STK35: variants seen among roughly 807,000 people sequenced by gnomAD.
STK35 encodes serine/threonine kinase 35.
STK35 carries 17 observed loss-of-function variants against 37.3 expected under a neutral mutation model. The ratio of observed to expected loss-of-function variants is 0.46; its 90% confidence interval spans 0.31 to 0.68. STK35 has a LOEUF of 0.68. Ranked by LOEUF, STK35 falls within the 30% of genes least tolerant of loss-of-function variation. The pLI, the probability that STK35 is intolerant of heterozygous loss-of-function variation, is 0.05. For missense variants in STK35, 595 were observed against 746.7 expected (o/e 0.80, Z 2.37); for synonymous variants, 385 against 319.1 (o/e 1.21, Z -2.20).
intron 3 of STK35, among the ~76,000 whole-genome samples, chr20:2,131,823 GTCC>G (rs1986006050): frequency 6.6e-6 from 1 of 152,032 alleles, no homozygotes; most frequent in Non-Finnish European, 1.5e-5. Flanking sequence ...GGCTCAAGCT[GTCC>G]TCCTGCCTCA....
chr20:2,142,855 C>G (rs763869414), intron 3 of STK35, among the ~76,000 whole-genome samples: 1 of 152,210 alleles, frequency 6.6e-6, no homozygotes, highest in Non-Finnish European at 1.5e-5. Context: ...AGCACTGATC[C>G]GATAGCTCAG....
chr20:2,107,065 T>TG (rs927521353), intron 2 of STK35, among the ~76,000 whole-genome samples: 40 of 152,282 alleles, frequency 2.6e-4, no homozygotes, highest in Admixed American at 5.2e-4. Context: ...ACATAAAGGT[T>TG]GGGGGGGTGA....
chr20:2,123,970 T>C (rs1249143991), intron 3 of STK35, among the ~76,000 whole-genome samples: 1 of 152,180 alleles, frequency 6.6e-6, no homozygotes, highest in Non-Finnish European at 1.5e-5. Context: ...GGCTGAGTGC[T>C]TTATGACTGA....
intron 3 of STK35, among the ~76,000 whole-genome samples, chr20:2,121,965 CTT>C (rs779696258): frequency 2.4e-4 from 37 of 152,316 alleles, no homozygotes; most frequent in Non-Finnish European, 4.7e-4. Context: ...CTGAAAGCCT[CTT>C]TACATTTTTG....
chr20:2,107,753 C>A (rs1365636407), intron 2 of STK35, among the ~76,000 whole-genome samples: 1 of 152,146 alleles, frequency 6.6e-6, no homozygotes, highest in Non-Finnish European at 1.5e-5. Context: ...AGAGCAAGGC[C>A]GTTCCCTCCC....
intron 3 of STK35, among the ~76,000 whole-genome samples, chr20:2,135,980 C>T (rs1362513617): frequency 6.6e-6 from 1 of 152,162 alleles, no homozygotes; most frequent in East Asian, 1.9e-4. Context: ...CCTGACAGAG[C>T]AAGGCCCTAT....
intron 1 of STK35, among the ~76,000 whole-genome samples, 189 bp downstream of exon 1, chr20:2,102,364 T>A (rs1046183426): frequency 1.3e-5 from 2 of 152,126 alleles, no homozygotes; most frequent in Admixed American, 6.5e-5. Context: ...TAGGGCTTAA[T>A]TCAATGGACT....
At chr20:2,133,838 C>T (rs1986039069) in intron 3 of STK35, among the ~76,000 whole-genome samples, 1 of 152,214 alleles carries the variant, frequency 6.6e-6, no homozygotes, top group Admixed American at 6.5e-5. Flanking sequence ...ACAGTAACTG[C>T]TTGCTCCACT....
chr20:2,101,850 G>A lies in STK35; in HGVS notation c.-32G>A. On this transcript the variant is annotated 5_prime_UTR_variant, in exon 1 of 4. It adds an upstream start codon to the 5' untranslated region. Coordinates refer to ENST00000381482, the MANE Select transcript of STK35 (RefSeq NM_080836.4). ...CCGTCGACCTTTGCAGGACCGGGCG[G>A]TGCAGGGCTCACTCGGCTGGCGTCC... The A allele has an allele frequency of 2.9e-6, 4 of 1,393,684 alleles. No homozygotes were observed. The highest frequency in any genetic ancestry group is 2.9e-5 in the Admixed American group (1 of 35,064). The allele number at this position is 1,393,684 out of a possible 1,614,324, so 86.3% of individuals were successfully genotyped here.
At position 2,101,855 on chromosome 20, in the gene STK35, G is replaced by C; in HGVS notation, c.-27G>C. The C allele has an allele frequency of 7.1e-7, 1 of 1,402,488 alleles. No homozygotes were observed. The highest frequency in any genetic ancestry group is 9.3e-7 in the Non-Finnish European group (1 of 1,076,754). 86.9% of individuals were successfully genotyped at this position (1,402,488 alleles called of 1,614,324 possible). A position where few individuals can be genotyped will look rare whatever the true frequency, so the allele number is the denominator to read the frequency against. On this transcript the variant is annotated 5_prime_UTR_variant, in exon 1 of 4. Transcript: ENST00000381482. Reference sequence around the variant, plus strand: ...GACCTTTGCAGGACCGGGCGGTGCAGGGCTCACTCGGCTGGCGTCCCGGGG... The same window carrying C: ...GACCTTTGCAGGACCGGGCGGTGCACGGCTCACTCGGCTGGCGTCCCGGGG...
Position 2,102,805 on chromosome 20 carries a change from C to A in STK35, c.332C>A (p.Ala111Asp), listed in dbSNP as rs1487954082. 5 of 1,503,796 alleles carry A rather than the reference C, an allele frequency of 3.3e-6. No homozygotes were observed. The highest frequency in any genetic ancestry group is 3.5e-6 in the Non-Finnish European group (4 of 1,131,096). The allele number at this position is 1,503,796 out of a possible 1,614,324, so 93.2% of individuals were successfully genotyped here. ...GGTCCGGCTCCTCCGCGTCCCAGGG[C>A]CGGACGGAGGGATGAGGCAGGGGGG... ...IQGPAPPRPRAGRRDEAGGAR... is the reference protein window; with the variant it reads ...IQGPAPPRPRDGRRDEAGGAR... Residue 111 changes from alanine (A) to aspartate (D), a missense_variant, in exon 2 of 4, where the codon GCC (alanine) becomes GAC (aspartate). Physicochemically the swap from Ala to Asp is moderately radical, Grantham distance 126. Coordinates refer to ENST00000381482, the MANE Select transcript of STK35 (RefSeq NM_080836.4).
chr20:2,138,479 A>G (rs961913750), intron 3 of STK35, among the ~76,000 whole-genome samples: 19 of 152,140 alleles, frequency 1.2e-4, no homozygotes, highest in African/African-American at 4.6e-4. Flanking sequence ...CCCATTTTCT[A>G]GTTTAGGAGA....
intron 3 of STK35, among the ~76,000 whole-genome samples, chr20:2,137,466 G>A (rs1310664252): frequency 2.0e-5 from 3 of 152,238 alleles, no homozygotes; most frequent in East Asian, 1.9e-4. Flanking sequence ...GTCGTAAGGC[G>A]TGGACCTGTG....
intron 3 of STK35, among the ~76,000 whole-genome samples, chr20:2,131,498 A>G (rs888343706): frequency 7.2e-5 from 11 of 152,002 alleles, no homozygotes; most frequent in African/African-American, 1.7e-4. Flanking sequence ...TAAAAATGGT[A>G]TACCTATATA....
At chr20:2,124,026 C>G (rs548195433) in intron 3 of STK35, among the ~76,000 whole-genome samples, 1 of 152,294 alleles carries the variant, frequency 6.6e-6, no homozygotes, top group Non-Finnish European at 1.5e-5. Context: ...GGTCACAGAG[C>G]TAAGAAGAGG....
chr20:2,126,222 G>T (rs148113462), intron 3 of STK35, among the ~76,000 whole-genome samples: 1 of 152,268 alleles, frequency 6.6e-6, no homozygotes, highest in African/African-American at 2.4e-5. Flanking sequence ...TCTGGCATAT[G>T]GTAGGCACTT....
Position 2,102,025 on chromosome 20 carries a change from G to A in STK35, c.144G>A (p.Ala48=), listed in dbSNP as rs1985396929. Residue 48 remains alanine (A), a synonymous_variant, in exon 1 of 4, where the codon GCG becomes GCA. Transcript: ENST00000381482. The stretch of plus-strand genomic sequence containing the variant: ...CCCAGGCTTCCCCAGCGAGCGCCGC[G>A]GCAGCAGAAGGATCCGCTACACGCC... ...LGAQASPASA[A]AAEGSATRRA... is the part of the protein sequence containing the mutation. 6.5e-7 allele frequency: 1 copy of A among 1,527,402 alleles called. No individual in the cohort carries two copies. Among genetic ancestry groups the A allele is most frequent in the Non-Finnish European group, 8.7e-7 (1 of 1,142,904 alleles). The allele number at this position is 1,527,402 out of a possible 1,614,324, so 94.6% of individuals were successfully genotyped here. A position where few individuals can be genotyped will look rare whatever the true frequency, so the allele number is the denominator to read the frequency against.
At chr20:2,104,761 T>A (rs1461012841) in intron 2 of STK35, among the ~76,000 whole-genome samples, 1 of 152,200 alleles carries the variant, frequency 6.6e-6, no homozygotes, top group Non-Finnish European at 1.5e-5. Context: ...CAGTATCACC[T>A]AGAGTCCTTT....
Position 2,148,225 on chromosome 20 carries a change from AC to A in STK35, c.*4480del, listed in dbSNP as rs1247023943. 2 of 152,642 alleles carry A rather than the reference AC, an allele frequency of 1.3e-5. No individual in the cohort carries two copies. The highest frequency in any genetic ancestry group is 2.9e-5 in the Non-Finnish European group (2 of 68,038). 9.5% of individuals were successfully genotyped at this position (152,642 alleles called of 1,614,324 possible). On this transcript the variant is annotated 3_prime_UTR_variant, in exon 4 of 4. Coordinates refer to ENST00000381482, the MANE Select transcript of STK35 (RefSeq NM_080836.4). Reference sequence around the variant, plus strand: ...CAGAGCCGGGGAGTACATTGCAGTGACTTCTTAAACATTTGTGTGGGACAGA... The same window carrying A: ...CAGAGCCGGGGAGTACATTGCAGTGATTCTTAAACATTTGTGTGGGACAGA...
Sources: allele counts gnomAD v4.1 joint callset (sites outside exome capture counted in the v4.1 genomes callset), GRCh38; gene constraint gnomAD v4.1.1; transcripts MANE v1.5; gene names NCBI Gene and HGNC (gene_info 2026-07-23, HGNC 2026-07-21).